The following INSR variants were observed in gnomAD, a reference collection of about 807,000 sequenced individuals.
INSR encodes the protein insulin receptor.
Under a neutral mutation model 142.6 loss-of-function variants are expected in INSR, and 67 were observed. That is an observed-to-expected ratio of 0.47 (90% CI 0.39 to 0.58). The LOEUF is 0.58. INSR is among the 20% of genes least tolerant of loss of function. The pLI is 0.00. For synonymous variants in INSR, 756 were observed against 743.1 expected (o/e 1.02, Z -0.28); for missense variants, 1,248 against 1,833.2 (o/e 0.68, Z 5.83).
At chr19:7,153,053 C>CA in intron 9 of INSR, 126 bp from the exon 10 acceptor site, 1 of 411,270 alleles carries the variant, frequency 2.4e-6, no homozygotes, top group Non-Finnish European at 4.2e-6. Flanking sequence ...ACACACCCCC[C>CA]CACACACACA....
At chr19:7,281,510 GCAAAAAA>G (rs1968203124) in intron 1 of INSR, among the ~76,000 whole-genome samples, 1 of 114,874 alleles carries the variant, frequency 8.7e-6, no homozygotes, top group African/African-American at 2.8e-5. Flanking sequence ...CCCTGTCTCT[GCAAAAAA>G]TAAAAATAAA....
At chr19:7,213,189 C>CA (rs1400602508) in intron 2 of INSR, among the ~76,000 whole-genome samples, 1 of 151,786 alleles carries the variant, frequency 6.6e-6, no homozygotes. Flanking sequence ...ACTAAAAATA[C>CA]AAAAATTAGC....
At position 7,116,987 on chromosome 19, in the gene INSR, C is replaced by G; in HGVS notation, c.*69G>C. The G allele has an allele frequency of 2.1e-5, 23 of 1,086,332 alleles. No individual in the cohort carries two copies. The highest frequency in any genetic ancestry group is 2.0e-4 in the Middle Eastern group (1 of 4,886). 67.3% of individuals were successfully genotyped at this position (1,086,332 alleles called of 1,614,324 possible). On this transcript the variant is annotated 3_prime_UTR_variant, in exon 22 of 22. Transcript: ENST00000302850. Reference sequence around the variant, plus strand: ...TAGAGTCGTGAGAATCCTGAGTTTTCCAGAGGCTTTCAAACCAGAGGAAAG... The same window carrying G: ...TAGAGTCGTGAGAATCCTGAGTTTTGCAGAGGCTTTCAAACCAGAGGAAAG...
At position 7,281,264 on chromosome 19, in the gene INSR, G is replaced by T. The variant is rs544231741; in HGVS notation, c.100+12528C>A. Among the ~76,000 whole-genome samples, 9 of 152,038 alleles carry T rather than the reference G, an allele frequency of 5.9e-5. No homozygotes were observed. The East Asian group carries it at 1.7e-3, about 29-fold the overall frequency. ...GTATAATTAGGAGGGAACATATGAG[G>T]TCCTCCCTTTTCTGATCTTCTGCAA... is the stretch of plus-strand genomic sequence containing the variant. On this transcript the variant is annotated intron_variant, in intron 1 of 21. Coordinates refer to ENST00000302850, the MANE Select transcript of INSR (RefSeq NM_000208.4).
chr19:7,152,555 A>G (rs1372186879), intron 10 of INSR, 171 bp downstream of exon 10: 3 of 705,922 alleles, frequency 4.2e-6, no homozygotes, highest in Non-Finnish European at 7.6e-6. Context: ...TTCCCCTCGA[A>G]ATTTCGAAAC....
chr19:7,254,515 C>A (rs552409744), intron 2 of INSR, among the ~76,000 whole-genome samples: 2 of 151,978 alleles, frequency 1.3e-5, no homozygotes, highest in Non-Finnish European at 1.5e-5. Context: ...GGTGACAGAG[C>A]AAGACCCCAT....
chr19:7,179,194 G>A (rs1974213797), intron 3 of INSR, among the ~76,000 whole-genome samples: 1 of 152,222 alleles, frequency 6.6e-6, no homozygotes, highest in South Asian at 2.1e-4. Flanking sequence ...TTACAGGCAT[G>A]AGCCACCACA....
At position 7,125,093 on chromosome 19, in the gene INSR, C is replaced by T. The variant is rs978583685; in HGVS notation, c.3258+190G>A. Among the ~76,000 whole-genome samples the T allele has an allele frequency of 2.0e-5, 3 of 151,872 alleles. No homozygotes were observed. Among genetic ancestry groups the T allele is most frequent in the African/African-American group, 4.8e-5 (2 of 41,298 alleles). Reference sequence around the variant, plus strand: ...GACAGTGATAGAGTCTGGTTCCAGGCGAAGTGGGAGAGGATGGGATTTGAG... The same window carrying T: ...GACAGTGATAGAGTCTGGTTCCAGGTGAAGTGGGAGAGGATGGGATTTGAG... On this transcript the variant is annotated intron_variant, in intron 17 of 21. Transcript: ENST00000302850. This position sits in a 1 kb window ranked among gnomAD's most constrained non-coding sequence, Gnocchi z 4.9.
At chr19:7,191,890 G>GGA (rs60571993) in intron 2 of INSR, among the ~76,000 whole-genome samples, 103,039 of 143,952 alleles carry the variant, frequency 0.72, 37,025 homozygotes, top group Admixed American at 0.71. Flanking sequence ...AAGGAGGAAG[G>GGA]GAGAGAGAGA....
chr19:7,143,594 A>G (rs1200675232), intron 11 of INSR, among the ~76,000 whole-genome samples: 1 of 152,224 alleles, frequency 6.6e-6, no homozygotes, highest in Non-Finnish European at 1.5e-5. Flanking sequence ...AATTTGAGTG[A>G]TTAAGCTGCA....
At chr19:7,165,617 C>T (rs996311081) in intron 8 of INSR, among the ~76,000 whole-genome samples, 2 of 151,572 alleles carry the variant, frequency 1.3e-5, no homozygotes, top group Non-Finnish European at 2.9e-5. Context: ...AATCCCAGGA[C>T]TTTGGGAGGC....
At position 7,197,353 on chromosome 19, in the gene INSR, T is replaced by C. The variant is rs559867853; in HGVS notation, c.653-12716A>G. On this transcript the variant is annotated intron_variant, in intron 2 of 21. Transcript: ENST00000302850. ...GTGAGTGAGTAAGCGAGTGAGTGAG[T>C]GAGTGGGGAGGGAGTGAGTCCGTCC... 3.1e-3 allele frequency among the ~76,000 whole-genome samples: 472 copies of C among 152,140 alleles called. 2 individuals are homozygous for C. Among genetic ancestry groups the C allele is most frequent in the African/African-American group, 0.011 (451 of 41,494 alleles).
intron 1 of INSR, among the ~76,000 whole-genome samples, chr19:7,289,511 T>C (rs947938138): frequency 6.6e-6 from 1 of 151,156 alleles, no homozygotes; most frequent in African/African-American, 2.4e-5. Flanking sequence ...GTTCAAGCGA[T>C]TCTCCTGCCT....
At chr19:7,269,940 T>C (rs1967864505) in intron 1 of INSR, among the ~76,000 whole-genome samples, 1 of 151,990 alleles carries the variant, frequency 6.6e-6, no homozygotes, top group Non-Finnish European at 1.5e-5. Context: ...TTACTCATTG[T>C]TTCTATGAAA....
chr19:7,283,759 G>A lies in INSR; in HGVS notation c.100+10033C>T, dbSNP rs572282080. On this transcript the variant is annotated intron_variant, in intron 1 of 21. Transcript: ENST00000302850. ...CACCAGTTTTAAACCACTTGCAGCCGATTCTTGTTATTGGTGGTAGTTTGG... is the reference window on the plus strand; with the variant it reads ...CACCAGTTTTAAACCACTTGCAGCCAATTCTTGTTATTGGTGGTAGTTTGG... Among the ~76,000 whole-genome samples, 5 of 152,182 alleles carry A rather than the reference G, an allele frequency of 3.3e-5. No individual in the cohort carries two copies. In the South Asian group the frequency reaches 6.2e-4, roughly 19 times the overall value.
At chr19:7,162,530 G>T (rs899039686) in intron 9 of INSR, among the ~76,000 whole-genome samples, 6 of 142,510 alleles carry the variant, frequency 4.2e-5, no homozygotes, top group Non-Finnish European at 9.1e-5. Context: ...AAAAAAATAG[G>T]CCGGGTGTGG....
intron 2 of INSR, among the ~76,000 whole-genome samples, chr19:7,191,313 GAAAGAAAGAA>G (rs1418777365): frequency 6.4e-5 from 9 of 140,568 alleles, no homozygotes; most frequent in East Asian, 2.2e-4. Context: ...AAAAGAGAAA[GAAAGAAAGAA>G]AAAGAAAGAA....
chr19:7,210,834 A>G (rs925603477), intron 2 of INSR, among the ~76,000 whole-genome samples: 1 of 151,882 alleles, frequency 6.6e-6, no homozygotes, highest in Admixed American at 6.6e-5. Context: ...GTTTCAAGCA[A>G]TTCTCCTGCC....
chr19:7,291,314 G>A (rs1459149394), intron 1 of INSR, among the ~76,000 whole-genome samples: 4 of 152,202 alleles, frequency 2.6e-5, no homozygotes, highest in African/African-American at 9.6e-5. Context: ...GGCCTCAAGC[G>A]AAGTTTTCTC....
Sources: allele counts gnomAD v4.1 joint callset (sites outside exome capture counted in the v4.1 genomes callset), GRCh38; gene constraint gnomAD v4.1.1; non-coding constraint Gnocchi (gnomAD v3.1); transcripts MANE v1.5; gene names NCBI Gene and HGNC (gene_info 2026-07-23, HGNC 2026-07-21).